The following CSMD1 variants were observed in gnomAD, a reference collection of about 807,000 sequenced individuals.
The protein encoded by CSMD1 is CUB and Sushi multiple domains 1.
CSMD1 carries 213 observed loss-of-function variants against 417.5 expected under a neutral mutation model. The ratio of observed to expected loss-of-function variants is 0.51; its 90% CI spans 0.46 to 0.57. The LOEUF (loss-of-function observed/expected upper bound fraction) is 0.57, where lower values mean the gene tolerates loss of function less well. Among genes scored for constraint, CSMD1 ranks in the 20% least tolerant of loss-of-function variants. The probability of loss-of-function intolerance (pLI) is 0.00; values close to 1 mark genes in which losing one functional copy is unlikely to be tolerated. For missense variants in CSMD1, 6,923 were observed against 4,529.7 expected, an observed-to-expected ratio of 1.53 and a Z score of -15.17; for synonymous variants, 2,862 against 1,736.8, an observed-to-expected ratio of 1.65 and a Z score of -16.11.
intron 5 of CSMD1, among the ~76,000 whole-genome samples, chr8:3,808,535 A>G (rs559841192): frequency 7.2e-5 from 11 of 152,338 alleles, no homozygotes; most frequent in Admixed American, 2.0e-4. Context: ...GTGAATTTAC[A>G]TGCAAAGTCT....
intron 49 of CSMD1, among the ~76,000 whole-genome samples, chr8:3,070,178 G>A (rs1813237714): frequency 1.3e-5 from 2 of 152,178 alleles, no homozygotes; most frequent in African/African-American, 4.8e-5. Flanking sequence ...CTGCCATAAA[G>A]GTCTCTGAAA....
chr8:4,161,774 T>A lies in CSMD1; in HGVS notation c.416-129675A>T, dbSNP rs74881458. ...AACCAGTTTCAAGGAATCAGATATTTTGAATTGTGCAAAAGAAACAAAATT... is the reference window on the plus strand; with the variant it reads ...AACCAGTTTCAAGGAATCAGATATTATGAATTGTGCAAAAGAAACAAAATT... On this transcript the variant is annotated intron_variant, in intron 3 of 69. Coordinates refer to ENST00000635120, the MANE Select transcript of CSMD1 (RefSeq NM_033225.6). 4.8e-3 allele frequency among the ~76,000 whole-genome samples: 738 copies of A among 152,296 alleles called. 9 individuals carry two copies. Among genetic ancestry groups the A allele is most frequent in the African/African-American group, 0.017 (710 of 41,570 alleles).
intron 1 of CSMD1, among the ~76,000 whole-genome samples, chr8:4,690,447 T>C (rs1806692832): frequency 6.6e-6 from 1 of 152,174 alleles, no homozygotes; most frequent in Non-Finnish European, 1.5e-5. Flanking sequence ...GTTGCAGAAT[T>C]TAAGGAAATA....
At chr8:3,670,699 T>A (rs1358956064) in intron 7 of CSMD1, among the ~76,000 whole-genome samples, 1 of 146,692 alleles carries the variant, frequency 6.8e-6, no homozygotes, top group Non-Finnish European at 1.5e-5. Flanking sequence ...GATATATGTA[T>A]ATGGGATATA....
At chr8:3,743,111 G>C (rs1041714507) in intron 6 of CSMD1, among the ~76,000 whole-genome samples, 1 of 152,120 alleles carries the variant, frequency 6.6e-6, no homozygotes, top group Non-Finnish European at 1.5e-5. Context: ...ACCTTTAAAG[G>C]AACTGAGAGA....
chr8:3,309,156 GC>G (rs1805126851), intron 23 of CSMD1, among the ~76,000 whole-genome samples: 1 of 152,054 alleles, frequency 6.6e-6, no homozygotes, highest in Non-Finnish European at 1.5e-5. Context: ...CTGCCTCTTT[GC>G]CCCTCTGTCA....
chr8:3,540,699 C>A (rs1012029040), intron 10 of CSMD1, among the ~76,000 whole-genome samples: 1 of 152,010 alleles, frequency 6.6e-6, no homozygotes, highest in African/African-American at 2.4e-5. Flanking sequence ...AAAAAACAAA[C>A]AATCCCATTA....
At chr8:4,465,144 C>T (rs1315648615) in intron 2 of CSMD1, among the ~76,000 whole-genome samples, 1 of 152,146 alleles carries the variant, frequency 6.6e-6, no homozygotes. Flanking sequence ...CAGAATATTA[C>T]CCCCAAACTA....
chr8:3,229,935 C>G (rs557963957), intron 27 of CSMD1, 105 bp downstream of exon 27: 3 of 824,502 alleles, frequency 3.6e-6, no homozygotes, highest in Admixed American at 3.3e-5. Context: ...ATGAAAGAAA[C>G]TCTTGAGAAA....
At chr8:4,218,771 G>A (rs1029678046) in intron 3 of CSMD1, among the ~76,000 whole-genome samples, 5 of 152,116 alleles carry the variant, frequency 3.3e-5, no homozygotes, top group African/African-American at 4.8e-5. Flanking sequence ...TCTTGATTTG[G>A]TCCTGTAACA....
At chr8:3,491,867 C>A (rs1047296156) in intron 11 of CSMD1, among the ~76,000 whole-genome samples, 1 of 152,106 alleles carries the variant, frequency 6.6e-6, no homozygotes, top group African/African-American at 2.4e-5. Flanking sequence ...CCGAGTCCAG[C>A]GGAGACAAAG....
intron 7 of CSMD1, among the ~76,000 whole-genome samples, chr8:3,680,120 A>T (rs1222108375): frequency 6.6e-6 from 1 of 152,324 alleles, no homozygotes; most frequent in Middle Eastern, 3.4e-3. Flanking sequence ...ATCACAATTG[A>T]AACAACTAGA....
intron 3 of CSMD1, among the ~76,000 whole-genome samples, chr8:4,068,243 C>T (rs7816812): frequency 0.014 from 2,112 of 152,202 alleles, 53 homozygotes; most frequent in African/African-American, 0.046. Flanking sequence ...ATGAGGAGAA[C>T]CCCTCAAAGG....
chr8:4,001,828 T>C (rs529116299), intron 4 of CSMD1, among the ~76,000 whole-genome samples: 1 of 151,486 alleles, frequency 6.6e-6, no homozygotes, highest in Non-Finnish European at 1.5e-5. Context: ...AAGGAGTAGA[T>C]GACATAAAGA....
At chr8:4,911,872 G>C (rs1805696999) in intron 1 of CSMD1, among the ~76,000 whole-genome samples, 1 of 151,722 alleles carries the variant, frequency 6.6e-6, no homozygotes, top group Non-Finnish European at 1.5e-5. Flanking sequence ...TCCTCTCTGA[G>C]GCTTCTGAGA....
intron 1 of CSMD1, among the ~76,000 whole-genome samples, chr8:4,726,462 G>C (rs1041348743): frequency 1.3e-5 from 2 of 152,044 alleles, no homozygotes; most frequent in South Asian, 2.1e-4. Context: ...TGCTCCTTAA[G>C]TCTGCTTCAC....
chr8:4,455,665 T>G (rs1799422676), intron 2 of CSMD1, among the ~76,000 whole-genome samples: 1 of 151,948 alleles, frequency 6.6e-6, no homozygotes, highest in Admixed American at 6.6e-5. Flanking sequence ...ATACAGTGGC[T>G]CACCCCTGTA....
At chr8:4,663,544 C>T (rs1358686774) in intron 1 of CSMD1, among the ~76,000 whole-genome samples, 2 of 152,120 alleles carry the variant, frequency 1.3e-5, no homozygotes, top group Non-Finnish European at 2.9e-5. Flanking sequence ...AGTGAGTTCT[C>T]ACAAGACCTG....
chr8:3,973,343 G>C (rs759598871), intron 5 of CSMD1, among the ~76,000 whole-genome samples: 3 of 152,156 alleles, frequency 2.0e-5, no homozygotes, highest in Admixed American at 6.5e-5. Context: ...CTTGGTGCTA[G>C]ATAGAAGATT....
Sources: allele counts gnomAD v4.1 joint callset (sites outside exome capture counted in the v4.1 genomes callset), GRCh38; gene constraint gnomAD v4.1.1; transcripts MANE v1.5; gene names NCBI Gene and HGNC (gene_info 2026-07-23, HGNC 2026-07-21).